Variants in SCHIP1 observed in about 807,000 individuals in gnomAD.
SCHIP1 encodes schwannomin-interacting protein 1.
A neutral mutation model predicts 29.7 loss-of-function variants in SCHIP1; 8 were observed. The ratio of observed to expected loss-of-function variants is 0.27; its 90% CI spans 0.16 to 0.49. The LOEUF (loss-of-function observed/expected upper bound fraction) is 0.49, where lower values mean the gene tolerates loss of function less well. Among genes scored for constraint, SCHIP1 ranks in the 20% least tolerant of loss-of-function variants. The pLI is 0.99. For synonymous variants in SCHIP1, 76 were observed against 94.9 expected (o/e 0.80, Z 1.16); for missense variants, 193 against 294.6 (o/e 0.66, Z 2.52).
the SCHIP1 span, among the ~76,000 whole-genome samples, chr3:159,511,112 C>T: frequency 6.6e-6 from 1 of 152,308 alleles, no homozygotes; most frequent in East Asian, 1.9e-4. Context: ...GTGGTGGGCT[C>T]CACCCAGTTT....
the SCHIP1 span, among the ~76,000 whole-genome samples, chr3:159,456,905 GCA>G: frequency 2.0e-5 from 3 of 152,236 alleles, no homozygotes; most frequent in African/African-American, 7.2e-5. Context: ...TTTTATAGAA[GCA>G]CACAATATCA....
chr3:159,615,003 G>A, the SCHIP1 span, among the ~76,000 whole-genome samples: 2 of 152,330 alleles, frequency 1.3e-5, no homozygotes, highest in East Asian at 3.9e-4. Flanking sequence ...TAGGTTCAGT[G>A]AGGATGTGAA....
chr3:159,465,369 TAG>T, the SCHIP1 span, among the ~76,000 whole-genome samples: 1 of 150,438 alleles, frequency 6.6e-6, no homozygotes, highest in Non-Finnish European at 1.5e-5. Context: ...GTGTGGAAAT[TAG>T]AGAGAAAGAG....
intron 1 of SCHIP1, chr3:159,845,989 C>T (rs1380806041): frequency 6.6e-6 from 1 of 152,100 alleles, no homozygotes; most frequent in Non-Finnish European, 1.5e-5. Context: ...GTGCAAGGCA[C>T]AAAATAAATG....
At chr3:159,459,097 C>A in the SCHIP1 span, among the ~76,000 whole-genome samples, 1 of 152,128 alleles carries the variant, frequency 6.6e-6, no homozygotes, top group Admixed American at 6.6e-5. Flanking sequence ...TCTCTTCTCT[C>A]TTTTTGATTA....
At chr3:159,865,308 GA>G (rs1714499871) in intron 1 of SCHIP1, among the ~76,000 whole-genome samples, 1 of 152,132 alleles carries the variant, frequency 6.6e-6, no homozygotes, top group Admixed American at 6.5e-5. Context: ...TTTAACCAAG[GA>G]AATCATTTTT....
the SCHIP1 span, among the ~76,000 whole-genome samples, chr3:159,424,052 C>CCATCTATACATCACCAT: frequency 2.0e-5 from 2 of 101,280 alleles, no homozygotes; most frequent in Non-Finnish European, 4.5e-5. Context: ...CACCAAAAAC[C>CCATCTATACATCACCAT]CATCAAAAAC....
At chr3:159,710,107 A>G in the SCHIP1 span, among the ~76,000 whole-genome samples, 1 of 152,248 alleles carries the variant, frequency 6.6e-6, no homozygotes, top group Non-Finnish European at 1.5e-5. Context: ...CAAAAGAATG[A>G]AATCTGTACG....
chr3:159,535,193 G>T, the SCHIP1 span, among the ~76,000 whole-genome samples: 1 of 152,068 alleles, frequency 6.6e-6, no homozygotes, highest in Non-Finnish European at 1.5e-5. Context: ...TAATATTTTT[G>T]CAAACACCCA....
the SCHIP1 span, among the ~76,000 whole-genome samples, chr3:159,617,287 T>C: frequency 6.6e-6 from 1 of 152,188 alleles, no homozygotes; most frequent in Non-Finnish European, 1.5e-5. Flanking sequence ...GAAATAAGCC[T>C]TAGAACCAAG....
chr3:159,499,785 T>G, the SCHIP1 span, among the ~76,000 whole-genome samples: 2 of 152,196 alleles, frequency 1.3e-5, no homozygotes, highest in Non-Finnish European at 2.9e-5. Flanking sequence ...TAGTATTACT[T>G]AACTATCACC....
chr3:159,445,638 C>T, the SCHIP1 span, among the ~76,000 whole-genome samples: 8 of 152,058 alleles, frequency 5.3e-5, no homozygotes, highest in African/African-American at 1.9e-4. Context: ...AAATGTCCAA[C>T]CATGATAGAC....
At chr3:159,593,084 G>T in the SCHIP1 span, among the ~76,000 whole-genome samples, 1 of 152,154 alleles carries the variant, frequency 6.6e-6, no homozygotes, top group African/African-American at 2.4e-5. Flanking sequence ...TCTGCAGGAT[G>T]AGAGTAGAAA....
chr3:159,806,312 G>A, the SCHIP1 span, among the ~76,000 whole-genome samples: 1 of 152,198 alleles, frequency 6.6e-6, no homozygotes, highest in Non-Finnish European at 1.5e-5. Context: ...TCTTTGAGCA[G>A]TAGGCAAAGC....
chr3:159,443,699 G>C, the SCHIP1 span, among the ~76,000 whole-genome samples: 2 of 152,302 alleles, frequency 1.3e-5, no homozygotes, highest in East Asian at 1.9e-4. Flanking sequence ...AGTAGAGACA[G>C]GGTTTCACCA....
the SCHIP1 span, among the ~76,000 whole-genome samples, chr3:159,374,560 T>C: frequency 6.6e-6 from 1 of 152,140 alleles, no homozygotes; most frequent in Non-Finnish European, 1.5e-5. Flanking sequence ...TGTTACTTAA[T>C]GATGAGACAT....
the SCHIP1 span, among the ~76,000 whole-genome samples, chr3:159,775,049 A>C: frequency 6.6e-6 from 1 of 152,110 alleles, no homozygotes; most frequent in South Asian, 2.1e-4. Flanking sequence ...AGCATAGTAG[A>C]CCCAAACAAA....
the SCHIP1 span, among the ~76,000 whole-genome samples, chr3:159,826,543 G>A: frequency 2.0e-5 from 3 of 152,148 alleles, no homozygotes; most frequent in Non-Finnish European, 4.4e-5. Context: ...AGCAAGTGTG[G>A]ATATTTGGGC....
the SCHIP1 span, among the ~76,000 whole-genome samples, chr3:159,324,592 T>A: frequency 6.6e-6 from 1 of 152,154 alleles, no homozygotes; most frequent in African/African-American, 2.4e-5. Flanking sequence ...ACAGAGTAAG[T>A]CTCTGGAATT....
Sources: gnomAD v4.1 joint callset for allele counts (sites outside exome capture counted in the v4.1 genomes callset) on GRCh38, gnomAD v4.1.1 for gene constraint, MANE v1.5 for transcripts, NCBI Gene and HGNC (gene_info 2026-07-23, HGNC 2026-07-21) for gene names.